MYO3B: variants seen among roughly 807,000 people sequenced by gnomAD.
The protein encoded by MYO3B is myosin IIIB, also known as myosin-IIIb.
A neutral mutation model predicts 174.6 loss-of-function variants in MYO3B; 156 were observed. That is an observed-to-expected ratio of 0.89 (90% CI 0.78 to 1.02). MYO3B has a LOEUF of 1.02. Among genes scored for constraint, MYO3B ranks in the 50% least tolerant of loss-of-function variants. The pLI is 0.00. For missense variants in MYO3B, 1,632 were observed against 1,639.4 expected (o/e 1.00, Z 0.08); for synonymous variants, 563 against 569.1 (o/e 0.99, Z 0.15).
intron 32 of MYO3B, among the ~76,000 whole-genome samples, chr2:170,547,672 T>C (rs1023442898): frequency 3.9e-5 from 6 of 152,256 alleles, no homozygotes; most frequent in Non-Finnish European, 7.3e-5. Flanking sequence ...CACAGTCTGA[T>C]ACTTTTGTGG....
intron 32 of MYO3B, among the ~76,000 whole-genome samples, chr2:170,626,122 T>C (rs974705699): frequency 2.0e-5 from 3 of 152,194 alleles, no homozygotes; most frequent in African/African-American, 7.2e-5. Flanking sequence ...TAACTTTCTG[T>C]CTCGTTGATC....
intron 23 of MYO3B, among the ~76,000 whole-genome samples, chr2:170,461,466 CAAAA>C (rs1178003357): frequency 2.4e-5 from 1 of 42,304 alleles, no homozygotes; most frequent in African/African-American, 8.2e-5. Flanking sequence ...AACTCAGTCT[CAAAA>C]AAAAAAAAAA....
chr2:170,646,024 C>CAATT (rs1698342652), intron 32 of MYO3B, among the ~76,000 whole-genome samples: 1 of 152,090 alleles, frequency 6.6e-6, no homozygotes, highest in East Asian at 1.9e-4. Flanking sequence ...GTAATCCCAG[C>CAATT]AATTAGGGAG....
At chr2:170,417,235 A>G (rs1022289061) in intron 22 of MYO3B, among the ~76,000 whole-genome samples, 1 of 151,932 alleles carries the variant, frequency 6.6e-6, no homozygotes, top group Non-Finnish European at 1.5e-5. Context: ...ATTCTATCAC[A>G]TCATCTGTTT....
At position 170,342,598 on chromosome 2, in the gene MYO3B, C is replaced by T. The variant is rs566683950; in HGVS notation, c.815+7148C>T. Among the ~76,000 whole-genome samples the T allele has an allele frequency of 2.8e-4, 43 of 152,186 alleles. 1 individual carries two copies. The highest frequency in any genetic ancestry group is 4.9e-4 in the Non-Finnish European group (33 of 68,004). On this transcript the variant is annotated intron_variant, in intron 8 of 34. Coordinates refer to ENST00000408978, the MANE Select transcript of MYO3B (RefSeq NM_138995.5). Reference sequence around the variant, plus strand: ...TGTCAAATTGGGGCTAGAGTAGTATCGCTGTGAGGATTAAATTACATAATG... The same window carrying T: ...TGTCAAATTGGGGCTAGAGTAGTATTGCTGTGAGGATTAAATTACATAATG...
intron 34 of MYO3B, 55 bp downstream of exon 34, chr2:170,652,209 G>C: frequency 6.5e-7 from 1 of 1,527,276 alleles, no homozygotes; most frequent in Admixed American, 1.9e-5. Flanking sequence ...GGTCCTTTGT[G>C]ATATTACAGA....
At chr2:170,605,868 G>A (rs955085911) in intron 32 of MYO3B, among the ~76,000 whole-genome samples, 5 of 151,876 alleles carry the variant, frequency 3.3e-5, no homozygotes, top group African/African-American at 1.2e-4. Context: ...TAAAAAAAAA[G>A]AAGTGGCACC....
chr2:170,306,197 C>T (rs1000445515), intron 7 of MYO3B, among the ~76,000 whole-genome samples: 1 of 152,138 alleles, frequency 6.6e-6, no homozygotes, highest in African/African-American at 2.4e-5. Flanking sequence ...CAAGAGTAGG[C>T]ATTCAAAGAC....
At chr2:170,330,173 G>T (rs375250451) in intron 7 of MYO3B, among the ~76,000 whole-genome samples, 1 of 152,100 alleles carries the variant, frequency 6.6e-6, no homozygotes, top group Non-Finnish European at 1.5e-5. Context: ...CTTTCAGGAA[G>T]CCCTTCTTAA....
At chr2:170,651,814 C>T in intron 33 of MYO3B, 80 bp downstream of exon 33, 1 of 1,178,954 alleles carries the variant, frequency 8.5e-7, no homozygotes, top group South Asian at 1.2e-5. Context: ...CTGTTCCAGC[C>T]CCTGCAGCCC....
At chr2:170,476,755 C>A (rs376880976) in intron 25 of MYO3B, among the ~76,000 whole-genome samples, 27 of 152,108 alleles carry the variant, frequency 1.8e-4, no homozygotes, top group Non-Finnish European at 3.4e-4. Flanking sequence ...AACAGGAATA[C>A]CTGTCCTTAT....
chr2:170,635,020 C>CAAACT (rs1285976462), intron 32 of MYO3B, among the ~76,000 whole-genome samples: 2 of 152,134 alleles, frequency 1.3e-5, no homozygotes, highest in East Asian at 1.9e-4. Flanking sequence ...GGTGGGAGTG[C>CAAACT]AAACTAGTTC....
intron 7 of MYO3B, among the ~76,000 whole-genome samples, chr2:170,268,169 A>G (rs535958072): frequency 6.6e-6 from 1 of 152,280 alleles, no homozygotes; most frequent in Admixed American, 6.5e-5. Context: ...AAAGAAACTA[A>G]AGGAATGGAG....
chr2:170,328,218 A>G (rs975704547), intron 7 of MYO3B, among the ~76,000 whole-genome samples: 1 of 152,014 alleles, frequency 6.6e-6, no homozygotes, highest in Admixed American at 6.6e-5. Context: ...CATATTTTGA[A>G]TATATCTTCG....
At chr2:170,250,545 A>G (rs1173381874) in intron 7 of MYO3B, among the ~76,000 whole-genome samples, 2 of 152,210 alleles carry the variant, frequency 1.3e-5, no homozygotes, top group African/African-American at 4.8e-5. Context: ...CAGGAGCCCA[A>G]GTGGGCGTGT....
chr2:170,345,504 G>A (rs2094009099), intron 8 of MYO3B, among the ~76,000 whole-genome samples: 1 of 152,042 alleles, frequency 6.6e-6, no homozygotes, highest in Non-Finnish European at 1.5e-5. Flanking sequence ...AGTATGAAGG[G>A]CTATTTAATG....
chr2:170,581,757 C>T (rs1414259134), intron 32 of MYO3B, among the ~76,000 whole-genome samples: 1 of 152,134 alleles, frequency 6.6e-6, no homozygotes, highest in South Asian at 2.1e-4. Flanking sequence ...TTTAGCTAAA[C>T]AACCTAACCT....
At chr2:170,564,428 G>A (rs993356365) in intron 32 of MYO3B, among the ~76,000 whole-genome samples, 3 of 152,150 alleles carry the variant, frequency 2.0e-5, no homozygotes, top group Admixed American at 6.5e-5. Flanking sequence ...GGCTGAGATC[G>A]CACCACTGCA....
At chr2:170,196,593 G>T (rs2092602879) in intron 1 of MYO3B, among the ~76,000 whole-genome samples, 1 of 152,182 alleles carries the variant, frequency 6.6e-6, no homozygotes, top group African/African-American at 2.4e-5. Context: ...AATGAACCTA[G>T]ACTCATTTTC....
Sources: allele counts gnomAD v4.1 joint callset (sites outside exome capture counted in the v4.1 genomes callset), GRCh38; gene constraint gnomAD v4.1.1; transcripts MANE v1.5; gene names NCBI Gene and HGNC (gene_info 2026-07-23, HGNC 2026-07-21).